VIRMA: variants seen among roughly 807,000 people sequenced by gnomAD.
VIRMA encodes the protein protein virilizer homolog.
Under a neutral mutation model 182.4 loss-of-function variants are expected in VIRMA, and 65 were observed. The observed-to-expected ratio is 0.36, with a 90% CI of 0.29 to 0.44. The LOEUF is 0.44. Ranked by LOEUF, VIRMA falls within the 20% of genes least tolerant of loss-of-function variation. The probability of loss-of-function intolerance (pLI) is 1.00; values close to 1 mark genes in which losing one functional copy is unlikely to be tolerated. For synonymous variants in VIRMA, 709 were observed against 743.1 expected (o/e 0.95, Z 0.75); for missense variants, 1,752 against 2,158.1 (o/e 0.81, Z 3.73).
rs1814995073 is a variant in VIRMA at position 94,527,003 on chromosome 8, C to T, written c.1241G>A (p.Gly414Glu). ...LEEIPSLIIK[G>E]LSYLQLKNTK... ...GTTTTTCAATTGCAAATAGCTTAAC[C>T]CTTTTATTATTAAACTTGGAATTTC... Residue 414 changes from glycine (G) to glutamate (E), a missense_variant, in exon 8 of 24, where the codon GGG (glycine) becomes GAG (glutamate). This residue lies in a region of VIRMA where 401 missense variants were observed against 455.1 expected (regional missense o/e 0.88). Transcript: ENST00000297591. The T allele has an allele frequency of 1.2e-6, 2 of 1,614,012 alleles. No homozygotes were observed. The highest frequency in any genetic ancestry group is 2.2e-5 in the East Asian group (1 of 44,894).
chr8:94,518,040 G>T lies in VIRMA; in HGVS notation c.2514-98C>A, dbSNP rs939696820. ...TCTACTTGGCTTTAAAGAGATCAAGGACATTTACAATAAAACATGACTAAC... is the reference window on the plus strand; with the variant it reads ...TCTACTTGGCTTTAAAGAGATCAAGTACATTTACAATAAAACATGACTAAC... On this transcript the variant is annotated intron_variant, in intron 9 of 23. Transcript: ENST00000297591. 342 of 800,134 alleles carry T rather than the reference G, an allele frequency of 4.3e-4. 3 individuals carry two copies. Among genetic ancestry groups the T allele is most frequent in the Non-Finnish European group, 8.4e-5 (43 of 514,820 alleles). The allele number at this position is 800,134 out of a possible 1,614,324, so 49.6% of individuals were successfully genotyped here.
intron 16 of VIRMA, among the ~76,000 whole-genome samples, chr8:94,505,596 C>T (rs965626666): frequency 6.6e-6 from 1 of 152,216 alleles, no homozygotes; most frequent in South Asian, 2.1e-4. Context: ...AATCCTCCCA[C>T]CTCAGCTTCC....
intron 16 of VIRMA, among the ~76,000 whole-genome samples, chr8:94,505,628 G>A (rs1383676992): frequency 6.6e-6 from 1 of 151,924 alleles, no homozygotes; most frequent in Non-Finnish European, 1.5e-5. Context: ...GACTACAGGT[G>A]TGTGCCATCA....
chr8:94,532,967 C>CAAAAAAATTAAATT (rs1458717246), intron 5 of VIRMA, among the ~76,000 whole-genome samples: 1 of 151,446 alleles, frequency 6.6e-6, no homozygotes, highest in Non-Finnish European at 1.5e-5. Context: ...TCTCTAAAAA[C>CAAAAAAATTAAATT]AAAAAAATTA....
At chr8:94,547,088 C>A in intron 1 of VIRMA, 1 of 447,466 alleles carries the variant, frequency 2.2e-6, no homozygotes, top group South Asian at 1.6e-5. Flanking sequence ...CTCCTAGTGC[C>A]TAAAGTCCTT....
intron 18 of VIRMA, 84 bp downstream of exon 18, chr8:94,496,244 A>G: frequency 1.7e-6 from 2 of 1,163,650 alleles, no homozygotes; most frequent in Non-Finnish European, 2.4e-6. Context: ...TCACTATTTT[A>G]AAAAAGGTCA....
intron 15 of VIRMA, among the ~76,000 whole-genome samples, chr8:94,506,926 GAATA>G (rs1211544418): frequency 3.3e-5 from 5 of 151,834 alleles, no homozygotes; most frequent in African/African-American, 4.8e-5. Flanking sequence ...ACACCTAAAG[GAATA>G]AATATTTAAA....
intron 5 of VIRMA, chr8:94,534,061 GTGAGGAGAAGAGATTC>G (rs1815256389): frequency 6.6e-6 from 1 of 152,210 alleles, no homozygotes; most frequent in Admixed American, 6.5e-5. Flanking sequence ...TAACACTGGA[GTGAGGAGAAGAGATTC>G]TGAGAAACAT....
chr8:94,551,484 G>A (rs1413755189), intron 1 of VIRMA, among the ~76,000 whole-genome samples: 1 of 151,956 alleles, frequency 6.6e-6, no homozygotes, highest in Non-Finnish European at 1.5e-5. Flanking sequence ...TCAATATTTC[G>A]TATCACCCAC....
intron 1 of VIRMA, among the ~76,000 whole-genome samples, chr8:94,552,893 C>T (rs1018272870): frequency 1.3e-5 from 2 of 152,012 alleles, no homozygotes; most frequent in African/African-American, 4.8e-5. Flanking sequence ...CGGAGAGCAC[C>T]GTAATCCTAA....
At chr8:94,507,542 G>A (rs1465888784) in intron 15 of VIRMA, among the ~76,000 whole-genome samples, 2 of 151,898 alleles carry the variant, frequency 1.3e-5, no homozygotes, top group East Asian at 1.9e-4. Context: ...ATTACCTGAG[G>A]CCAGGAGTTC....
In VIRMA at chr8:94,494,900, G is replaced by A. The variant is rs777019768; in HGVS notation, c.4601C>T (p.Thr1534Ile). Residue 1534 changes from threonine (T) to isoleucine (I), a missense_variant, in exon 20 of 24, where the codon ACT (threonine) becomes ATT (isoleucine). Transcript: ENST00000297591. ...MDDQLKSMWF[T>I]PFQAEEIDTD... Reference sequence around the variant, plus strand: ...ATCTATCTCTTCAGCCTGAAATGGAGTGAACCACATAGATTTCAACTGATC... The same window carrying A: ...ATCTATCTCTTCAGCCTGAAATGGAATGAACCACATAGATTTCAACTGATC... The A allele has an allele frequency of 5.0e-6, 8 of 1,611,096 alleles. No individual in the cohort carries two copies. In the East Asian group the frequency reaches 1.8e-4, roughly 36 times the overall value.
chr8:94,507,776 A>G (rs1209392117), intron 15 of VIRMA, among the ~76,000 whole-genome samples: 1 of 151,504 alleles, frequency 6.6e-6, no homozygotes, highest in Non-Finnish European at 1.5e-5. Context: ...ACAAAAAAAC[A>G]AAAAGCCCCC....
chr8:94,528,724 AG>A (rs1416600683), intron 7 of VIRMA, among the ~76,000 whole-genome samples: 1 of 152,218 alleles, frequency 6.6e-6, no homozygotes, highest in Non-Finnish European at 1.5e-5. Flanking sequence ...CTCTGAAAAC[AG>A]CCACCAAATC....
In VIRMA at chr8:94,531,030, C is replaced by T; in HGVS notation, c.540G>A (p.Arg180=). Residue 180 remains arginine (R), a synonymous_variant, in exon 6 of 24, where the codon AGG becomes AGA. Transcript: ENST00000297591. ...FNGSPPRPQP[R]GPRTPPGPPP... ...GGGGTCCTGGAGGAGTTCTTGGTCC[C>T]CTTGGCTGTGGTCTTGGAGGGCTTC... is the stretch of plus-strand genomic sequence containing the variant. 6.2e-7 allele frequency: 1 copy of T among 1,601,564 alleles called. No individual in the cohort carries two copies. Among genetic ancestry groups the T allele is most frequent in the Non-Finnish European group, 8.5e-7 (1 of 1,174,464 alleles).
intron 2 of VIRMA, among the ~76,000 whole-genome samples, chr8:94,538,845 C>T (rs111714678): frequency 0.04 from 6,072 of 152,180 alleles, 132 homozygotes; most frequent in Non-Finnish European, 0.05. Context: ...AACTCCTGAC[C>T]TCAGGAGATT....
intron 7 of VIRMA, among the ~76,000 whole-genome samples, chr8:94,527,830 A>G (rs1476541986): frequency 6.6e-6 from 1 of 152,200 alleles, no homozygotes; most frequent in Non-Finnish European, 1.5e-5. Flanking sequence ...CAGCAAAACC[A>G]TTGTAGATTC....
chr8:94,501,503 T>C (rs1240840306), intron 16 of VIRMA, among the ~76,000 whole-genome samples: 2 of 152,184 alleles, frequency 1.3e-5, no homozygotes, highest in African/African-American at 4.8e-5. Context: ...CACAGGAGTA[T>C]GGTTTAGTAA....
chr8:94,517,693 A>G (rs1814606680), intron 10 of VIRMA, 95 bp downstream of exon 10: 2 of 785,944 alleles, frequency 2.5e-6, no homozygotes, highest in East Asian at 5.4e-5. Flanking sequence ...ATTACTAGGT[A>G]TATTATCGAA....
Sources: allele counts gnomAD v4.1 joint callset (sites outside exome capture counted in the v4.1 genomes callset), GRCh38; gene constraint gnomAD v4.1.1; regional missense constraint gnomAD v4.1.1; transcripts MANE v1.5; gene names NCBI Gene and HGNC (gene_info 2026-07-23, HGNC 2026-07-21).